Variants in CCDC39 observed in about 807,000 individuals in gnomAD.
The protein encoded by CCDC39 is coiled-coil domain-containing protein 39.
CCDC39 carries 113 observed loss-of-function variants against 121.0 expected under a neutral mutation model. The ratio of observed to expected loss-of-function variants is 0.93; its 90% CI spans 0.80 to 1.09. The LOEUF (loss-of-function observed/expected upper bound fraction) is 1.09. Ranked by LOEUF, CCDC39 falls within the 50% of genes least tolerant of loss-of-function variation. The probability of loss-of-function intolerance (pLI) is 0.00; values close to 1 mark genes in which losing one functional copy is unlikely to be tolerated. For synonymous variants in CCDC39, 349 were observed against 352.2 expected (o/e 0.99, Z 0.10); for missense variants, 1,063 against 1,074.7 (o/e 0.99, Z 0.15).
chr3:180,676,227 AT>A (rs1233664121), intron 1 of CCDC39, among the ~76,000 whole-genome samples: 2 of 143,430 alleles, frequency 1.4e-5, no homozygotes, highest in African/African-American at 5.2e-5. Context: ...ATGGGAGAAA[AT>A]TTTTGCAATC....
At chr3:180,664,952 C>A (rs1322383386) in intron 1 of CCDC39, among the ~76,000 whole-genome samples, 1 of 151,868 alleles carries the variant, frequency 6.6e-6, no homozygotes, top group Non-Finnish European at 1.5e-5. Context: ...AGGTGATCTG[C>A]CCACCTCAGC....
rs1055358786 is a variant in CCDC39 at position 180,661,801 on chromosome 3, C to T, written c.357+60G>A. The T allele has an allele frequency of 5.0e-5, 73 of 1,452,938 alleles. No individual in the cohort carries two copies. The African/African-American group carries it at 9.3e-4, about 18-fold the overall frequency. The allele number at this position is 1,452,938 out of a possible 1,614,324, so 90.0% of individuals were successfully genotyped here. On this transcript the variant is annotated intron_variant, in intron 3 of 19. Coordinates refer to ENST00000476379, the MANE Select transcript of CCDC39 (RefSeq NM_181426.2). ...TACAAGAAAAAAAAAAGTCAATGCT[C>T]ATTTGGTGATGGAAGAATGAGCAGT...
intron 1 of CCDC39, among the ~76,000 whole-genome samples, chr3:180,678,192 T>C (rs1439685793): frequency 6.6e-6 from 1 of 152,188 alleles, no homozygotes; most frequent in Non-Finnish European, 1.5e-5. Flanking sequence ...CAGGGCTGGA[T>C]ACTTAGTATT....
chr3:180,662,216 ACT>A (rs1200133365), intron 2 of CCDC39, among the ~76,000 whole-genome samples: 5 of 152,282 alleles, frequency 3.3e-5, no homozygotes, highest in African/African-American at 1.2e-4. Context: ...AAGTCAATGA[ACT>A]GTGCTAGGAG....
intron 9 of CCDC39, among the ~76,000 whole-genome samples, chr3:180,650,555 G>A (rs774220322): frequency 6.6e-6 from 1 of 152,032 alleles, no homozygotes; most frequent in Non-Finnish European, 1.5e-5. Flanking sequence ...CACAGTGGGG[G>A]AGCTACTTTT....
chr3:180,625,879 A>T (rs533726366), intron 14 of CCDC39, among the ~76,000 whole-genome samples: 5 of 151,798 alleles, frequency 3.3e-5, no homozygotes, highest in Middle Eastern at 3.4e-3. Flanking sequence ...TGGTGGGCTG[A>T]GTGTATCTAT....
intron 13 of CCDC39, among the ~76,000 whole-genome samples, chr3:180,634,217 C>T (rs762592457): frequency 2.0e-5 from 3 of 148,680 alleles, no homozygotes; most frequent in Non-Finnish European, 3.0e-5. Flanking sequence ...GAGGTAGAGC[C>T]GTCAGAGGCA....
rs143880680 is a variant in CCDC39 at position 180,653,335 on chromosome 3, C to T, written c.931-1069G>A. 1.3e-4 allele frequency among the ~76,000 whole-genome samples: 20 copies of T among 152,284 alleles called. No homozygotes were observed. The East Asian group carries it at 3.9e-3, about 29-fold the overall frequency. On this transcript the variant is annotated intron_variant, in intron 7 of 19. Coordinates refer to ENST00000476379, the MANE Select transcript of CCDC39 (RefSeq NM_181426.2). ...GGACTGACACTACCCTAATTGATTC[C>T]TATAGCCAAGGATTATTATTTTAAT... is the stretch of plus-strand genomic sequence containing the variant.
intron 1 of CCDC39, among the ~76,000 whole-genome samples, chr3:180,677,206 A>ATATATC: frequency 9.0e-6 from 1 of 111,670 alleles, no homozygotes; most frequent in African/African-American, 3.3e-5. Flanking sequence ...ATATATATAT[A>ATATATC]TATATATATA....
chr3:180,631,597 TAAG>T lies in CCDC39; in HGVS notation c.1875-8_1875-6del. On this transcript the variant is annotated splice_polypyrimidine_tract_variant and splice_region_variant and intron_variant, in intron 13 of 19. Coordinates refer to ENST00000476379, the MANE Select transcript of CCDC39 (RefSeq NM_181426.2). ...AGCCGCTCGCGAAACTCAGTGCTAATAAGAAAAAGAAACACTGAGAAATGAATA... is the reference window on the plus strand; with the variant it reads ...AGCCGCTCGCGAAACTCAGTGCTAATAAAAAGAAACACTGAGAAATGAATA... The T allele has an allele frequency of 6.2e-7, 1 of 1,600,098 alleles. No individual in the cohort carries two copies. The highest frequency in any genetic ancestry group is 8.5e-7 in the Non-Finnish European group (1 of 1,176,670).
At chr3:180,655,829 G>A (rs1224556889) in intron 6 of CCDC39, among the ~76,000 whole-genome samples, 1 of 152,072 alleles carries the variant, frequency 6.6e-6, no homozygotes, top group African/African-American at 2.4e-5. Context: ...TTCAAAGCTG[G>A]GAAATAAAAA....
At chr3:180,659,915 C>T (rs887580578) in intron 4 of CCDC39, 146 bp from the exon 5 acceptor site, 2 of 507,026 alleles carry the variant, frequency 3.9e-6, no homozygotes, top group East Asian at 6.7e-5. Flanking sequence ...TCTTTCTTAT[C>T]TTTTAACCCC....
intron 3 of CCDC39, 75 bp from the exon 4 acceptor site, chr3:180,660,803 C>T (rs1418601038): frequency 3.0e-6 from 4 of 1,336,762 alleles, no homozygotes; most frequent in East Asian, 2.5e-5. Flanking sequence ...TAAAACATAC[C>T]TTTATATACT....
At chr3:180,641,653 T>A (rs180831879) in intron 13 of CCDC39, among the ~76,000 whole-genome samples, 1 of 152,038 alleles carries the variant, frequency 6.6e-6, no homozygotes, top group Non-Finnish European at 1.5e-5. Flanking sequence ...TAGCCAGAAA[T>A]AATCTTATAA....
At chr3:180,644,330 A>T in intron 11 of CCDC39, 73 bp from the exon 12 acceptor site, 1 of 841,312 alleles carries the variant, frequency 1.2e-6, no homozygotes, top group Non-Finnish European at 1.8e-6. Context: ...ATGCTGTATT[A>T]TATATATCTT....
At chr3:180,623,082 TTA>T (rs1717468810) in intron 14 of CCDC39, among the ~76,000 whole-genome samples, 1 of 70,544 alleles carries the variant, frequency 1.4e-5, no homozygotes, top group Non-Finnish European at 2.8e-5. Flanking sequence ...GAGATTTTTA[TTA>T]TTATTATTAT....
intron 1 of CCDC39, among the ~76,000 whole-genome samples, chr3:180,677,215 T>TATATATATATAA (rs1203940702): frequency 9.1e-6 from 1 of 110,424 alleles, no homozygotes. Flanking sequence ...TATATATATA[T>TATATATATATAA]AAAATCACAG....
rs117745339 is a variant in CCDC39 at position 180,618,049 on chromosome 3, G to C, written c.2266-1083C>G. On this transcript the variant is annotated intron_variant, in intron 16 of 19. Coordinates refer to ENST00000476379, the MANE Select transcript of CCDC39 (RefSeq NM_181426.2). ...TGTTTAGATTTGTTTAGATACACAA[G>C]TACCACTGTGTTACAGTTGCCTATA... Among the ~76,000 whole-genome samples, 38 of 152,172 alleles carry C rather than the reference G, an allele frequency of 2.5e-4. No homozygotes were observed. In the East Asian group the frequency reaches 6.4e-3, roughly 26 times the overall value.
chr3:180,659,069 C>T (rs1711664449), intron 6 of CCDC39, among the ~76,000 whole-genome samples: 1 of 152,070 alleles, frequency 6.6e-6, no homozygotes, highest in Non-Finnish European at 1.5e-5. Context: ...ACTCCTTGTC[C>T]CTTGGCTGTT....
Sources: allele counts gnomAD v4.1 joint callset (sites outside exome capture counted in the v4.1 genomes callset), GRCh38; gene constraint gnomAD v4.1.1; transcripts MANE v1.5; gene names NCBI Gene and HGNC (gene_info 2026-07-23, HGNC 2026-07-21).